PPP1R12C: variants seen among roughly 807,000 people sequenced by gnomAD.
PPP1R12C encodes protein phosphatase 1 regulatory subunit 12C, also known as leukocyte receptor cluster (LRC) encoded novel gene 3.
PPP1R12C carries 48 observed loss-of-function variants against 95.6 expected under a neutral mutation model. The observed-to-expected ratio is 0.50, with a 90% CI of 0.40 to 0.64. The LOEUF is 0.64. Among genes scored for constraint, PPP1R12C ranks in the 30% least tolerant of loss-of-function variants. The pLI, the probability that PPP1R12C is intolerant of heterozygous loss-of-function variation, is 0.00. For missense variants in PPP1R12C, 1,057 were observed against 1,083.3 expected (o/e 0.98, Z 0.34); for synonymous variants, 480 against 460.8 (o/e 1.04, Z -0.53).
intron 3 of PPP1R12C, 131 bp from the exon 4 acceptor site, chr19:55,103,699 T>C: frequency 1.2e-6 from 1 of 849,554 alleles, no homozygotes. Context: ...CCTCTGAGAC[T>C]CAGGAGGCCC....
At chr19:55,113,561 C>G in intron 1 of PPP1R12C, 3 of 1,333,432 alleles carry the variant, frequency 2.2e-6, no homozygotes, top group Non-Finnish European at 2.9e-6. Context: ...GGGACTTGCC[C>G]CAGGCCTTGT....
intron 6 of PPP1R12C, 89 bp from the exon 7 acceptor site, chr19:55,096,424 T>C: frequency 6.8e-7 from 1 of 1,467,016 alleles, no homozygotes. Flanking sequence ...AGGAGCTCAC[T>C]GCCCAGGCGG....
In PPP1R12C at chr19:55,094,354, C is replaced by T. The variant is rs762703435; in HGVS notation, c.1674G>A (p.Arg558=). The stretch of plus-strand genomic sequence containing the variant: ...CCAGCCCACCCCACACCTGTGTGGA[C>T]CTCCGAGACTGGCGCATGAGACGGG... ...ARSRLMRQSR[R]STQGVTLTDL... is the part of the protein sequence containing the mutation. Residue 558 remains arginine, a synonymous_variant, in exon 13 of 22, where the codon AGG becomes AGA. Transcript: ENST00000263433. The T allele has an allele frequency of 2.2e-5, 35 of 1,612,526 alleles. No homozygotes were observed. Among genetic ancestry groups the T allele is most frequent in the Non-Finnish European group, 2.7e-5 (32 of 1,179,928 alleles).
rs1353089832 is a variant in PPP1R12C at position 55,091,631 on chromosome 19, C to A, written c.2262+19G>T. 6.2e-7 allele frequency: 1 copy of A among 1,606,838 alleles called. No individual in the cohort carries two copies. The highest frequency in any genetic ancestry group is 8.5e-7 in the Non-Finnish European group (1 of 1,176,480). On this transcript the variant is annotated intron_variant, in intron 21 of 21. Coordinates refer to ENST00000263433, the MANE Select transcript of PPP1R12C (RefSeq NM_017607.4). ...CCACCCACCCTCGGCCCTCTGCCCA[C>A]AGCCCCCACAGCCCCCACCTTCAGC...
intron 3 of PPP1R12C, among the ~76,000 whole-genome samples, chr19:55,107,688 T>G (rs2085053137): frequency 1.8e-5 from 2 of 109,226 alleles, no homozygotes; most frequent in African/African-American, 3.6e-5. Flanking sequence ...CATCACACAC[T>G]GGGGCCTGTC....
At chr19:55,100,148 G>A (rs747048243) in intron 4 of PPP1R12C, among the ~76,000 whole-genome samples, 11 of 151,942 alleles carry the variant, frequency 7.2e-5, no homozygotes, top group East Asian at 3.9e-4. Context: ...AGCATCTCAC[G>A]CTGAGCCCCT....
rs771636892 is a variant in PPP1R12C at position 55,091,560 on chromosome 19, T to C, written c.2263-2A>G. ...GTCAGCGCGGAGGTCAGACAGGGCC[T>C]GGGGGACGGCAAGGGTCAGCTGGGC... is the stretch of plus-strand genomic sequence containing the variant. On this transcript the variant is annotated splice_acceptor_variant, in intron 21 of 21. Transcript: ENST00000263433. LOFTEE classifies it high-confidence loss of function. 2 of 1,613,452 alleles carry C rather than the reference T, an allele frequency of 1.2e-6. No individual in the cohort carries two copies. Among genetic ancestry groups the C allele is most frequent in the Non-Finnish European group, 1.7e-6 (2 of 1,179,854 alleles).
rs2084898779 is a variant in PPP1R12C, at chr19:55,095,376, G to A, written c.1387-18C>T. On this transcript the variant is annotated intron_variant, in intron 10 of 21. Transcript: ENST00000263433. ...TCCTTGGCCTGTGTGGAGAGGAGAA[G>A]GGGAGGAAGGGGCAGTTCCCTCGAC... 3 of 1,582,058 alleles carry A rather than the reference G, an allele frequency of 1.9e-6. No homozygotes were observed. The highest frequency in any genetic ancestry group is 8.6e-7 in the Non-Finnish European group (1 of 1,164,440).
At chr19:55,115,871 C>T (rs1385868470) in intron 1 of PPP1R12C, among the ~76,000 whole-genome samples, 1 of 152,184 alleles carries the variant, frequency 6.6e-6, no homozygotes, top group African/African-American at 2.4e-5. Context: ...CACAGGATCC[C>T]TGGAGGCAGC....
rs537836070 is a variant in PPP1R12C at position 55,092,282 on chromosome 19, G to A, written c.2100C>T (p.Ala700=). ...LRRENERLRE[A]LTETTLRLAQ... The stretch of plus-strand genomic sequence containing the variant: ...CCAGCCGCAGCGTGGTCTCGGTCAG[G>A]GCCTCGCGAAGCCGCTCGTTCTCCC... Residue 700 remains alanine (A), a synonymous_variant, in exon 19 of 22, where the codon GCC becomes GCT. Transcript: ENST00000263433. 23 of 1,600,896 alleles carry A rather than the reference G, an allele frequency of 1.4e-5. No homozygotes were observed. The Admixed American group carries it at 3.7e-4, about 26-fold the overall frequency.
Position 55,095,616 on chromosome 19 carries a change from G to A in PPP1R12C, c.1228-13C>T, listed in dbSNP as rs2084902131. 1.9e-6 allele frequency: 3 copies of A among 1,545,334 alleles called. No homozygotes were observed. Among genetic ancestry groups the A allele is most frequent in the Non-Finnish European group, 2.6e-6 (3 of 1,150,222 alleles). On this transcript the variant is annotated splice_polypyrimidine_tract_variant and intron_variant, in intron 9 of 21. Coordinates refer to ENST00000263433, the MANE Select transcript of PPP1R12C (RefSeq NM_017607.4). ...CCTCTTCAAGCTGCTGGGAGAAGGA[G>A]GAGGTCTCAGTTAGAGAGAAAGGAT... is the stretch of plus-strand genomic sequence containing the variant.
chr19:55,099,247 C>T, intron 4 of PPP1R12C, 152 bp from the exon 5 acceptor site: 1 of 853,884 alleles, frequency 1.2e-6, no homozygotes, highest in Non-Finnish European at 1.7e-6. Context: ...GCATCCGCTG[C>T]CACAAGAGGC....
rs747631950 is a variant in PPP1R12C at position 55,095,861 on chromosome 19, A to G, written c.1227+6T>C. 4.3e-6 allele frequency: 7 copies of G among 1,613,032 alleles called. No homozygotes were observed. The highest frequency in any genetic ancestry group is 1.7e-6 in the Non-Finnish European group (2 of 1,179,632). ...CCTCACAGGACCTCTCAGGGCATCC[A>G]CTCACCACGGGACTCTTAGGGCTGG... On this transcript the variant is annotated splice_donor_region_variant and intron_variant, in intron 9 of 21. Coordinates refer to ENST00000263433, the MANE Select transcript of PPP1R12C (RefSeq NM_017607.4).
intron 3 of PPP1R12C, among the ~76,000 whole-genome samples, chr19:55,110,247 T>G (rs183733083): frequency 6.6e-6 from 1 of 152,004 alleles, no homozygotes; most frequent in Admixed American, 6.6e-5. Flanking sequence ...CTACAAAGAA[T>G]GTCAAGGAGA....
intron 9 of PPP1R12C, 119 bp downstream of exon 9, chr19:55,095,748 G>T: frequency 6.6e-7 from 1 of 1,521,264 alleles, no homozygotes; most frequent in South Asian, 1.1e-5. Context: ...GGTTGTCCAG[G>T]ACGACTCTGG....
At chr19:55,097,080 C>T (rs1300774389) in intron 6 of PPP1R12C, 8 of 257,028 alleles carry the variant, frequency 3.1e-5, no homozygotes, top group Middle Eastern at 1.4e-3. Context: ...AGTTCACCAC[C>T]GTCTTCACCC....
In PPP1R12C at chr19:55,095,481, C is replaced by A; in HGVS notation, c.1350G>T (p.Ser450=). The change falls in exon 10 of 22, where the codon TCG becomes TCT. Residue 450 remains serine, a synonymous_variant. Coordinates refer to ENST00000263433, the MANE Select transcript of PPP1R12C (RefSeq NM_017607.4). The part of the protein sequence containing the change: ...EGAPGAGLQR[S]ASSSWLEGTS... ...TCCCTTCCAGCCAGGAGGAGGAAGC[C>A]GAGCGCTGCAGCCCAGCCCCAGGGG... 6.4e-7 allele frequency: 1 copy of A among 1,564,928 alleles called. No individual in the cohort carries two copies. Among genetic ancestry groups the A allele is most frequent in the Non-Finnish European group, 8.7e-7 (1 of 1,154,920 alleles).
chr19:55,110,527 T>C (rs2085084200), intron 3 of PPP1R12C, among the ~76,000 whole-genome samples: 1 of 152,160 alleles, frequency 6.6e-6, no homozygotes, highest in Non-Finnish European at 1.5e-5. Flanking sequence ...TGCAGGAGGT[T>C]TTCCTTGTGG....
chr19:55,108,228 C>A (rs2085059635), intron 3 of PPP1R12C, among the ~76,000 whole-genome samples: 1 of 152,038 alleles, frequency 6.6e-6, no homozygotes, highest in Admixed American at 6.6e-5. Flanking sequence ...AGCCACCGCG[C>A]CCAGCCTAAA....
Sources: allele counts gnomAD v4.1 joint callset (sites outside exome capture counted in the v4.1 genomes callset), GRCh38; gene constraint gnomAD v4.1.1; transcripts MANE v1.5; gene names NCBI Gene and HGNC (gene_info 2026-07-23, HGNC 2026-07-21).